The following RNF17 variants were observed in gnomAD, a reference collection of about 807,000 sequenced individuals.
RNF17 encodes ring finger protein 17.
In RNF17, 31 loss-of-function variants were observed where a neutral mutation model predicts 200.5. That is an observed-to-expected ratio of 0.15 (90% CI 0.12 to 0.21). RNF17 has a LOEUF of 0.21. Ranked by LOEUF, RNF17 falls within the 10% of genes least tolerant of loss-of-function variation. RNF17 has a pLI of 1.00. For synonymous variants in RNF17, 606 were observed against 637.8 expected, an observed-to-expected ratio of 0.95 and a Z score of 0.75; for missense variants, 1,628 against 1,905.1, an observed-to-expected ratio of 0.85 and a Z score of 2.71.
chr13:24,768,631 T>C (rs1429254064), intron 2 of RNF17, among the ~76,000 whole-genome samples: 4 of 151,886 alleles, frequency 2.6e-5, no homozygotes, highest in African/African-American at 9.7e-5. Flanking sequence ...ATGATAAGGC[T>C]TTGTATCATT....
intron 32 of RNF17, among the ~76,000 whole-genome samples, chr13:24,871,165 A>T (rs1004707065): frequency 2.0e-5 from 3 of 152,022 alleles, no homozygotes; most frequent in African/African-American, 4.8e-5. Context: ...TCAGATTTCT[A>T]CTCTTTTATC....
At chr13:24,782,688 T>C (rs1882579717) in intron 6 of RNF17, among the ~76,000 whole-genome samples, 1 of 151,844 alleles carries the variant, frequency 6.6e-6, no homozygotes, top group Non-Finnish European at 1.5e-5. Context: ...CAAAAAAAAA[T>C]CAACCAGGCA....
intron 6 of RNF17, among the ~76,000 whole-genome samples, chr13:24,787,777 C>G (rs777763651): frequency 6.6e-6 from 1 of 152,106 alleles, no homozygotes; most frequent in Non-Finnish European, 1.5e-5. Flanking sequence ...CATTTCAGTT[C>G]AATTTAATGC....
chr13:24,834,849 A>T (rs1183659023), intron 18 of RNF17, among the ~76,000 whole-genome samples: 1 of 152,178 alleles, frequency 6.6e-6, no homozygotes, highest in Non-Finnish European at 1.5e-5. Flanking sequence ...GGAGGGTACA[A>T]ATCTGGTGTG....
chr13:24,785,034 G>A (rs928129801), intron 6 of RNF17, among the ~76,000 whole-genome samples: 2 of 152,036 alleles, frequency 1.3e-5, no homozygotes, highest in Admixed American at 1.3e-4. Context: ...TGTGACTATA[G>A]GTTTAATTCT....
chr13:24,793,379 T>G (rs745435416), intron 10 of RNF17, 33 bp downstream of exon 10: 1 of 1,532,878 alleles, frequency 6.5e-7, no homozygotes, highest in Non-Finnish European at 8.7e-7. Flanking sequence ...AGGGGAAAGA[T>G]CTTGTATCTG....
intron 18 of RNF17, among the ~76,000 whole-genome samples, chr13:24,841,757 A>G (rs1890659008): frequency 6.6e-6 from 1 of 152,076 alleles, no homozygotes; most frequent in South Asian, 2.1e-4. Context: ...TCAGGAGTTC[A>G]AGACCAGCCT....
Position 24,789,416 on chromosome 13 carries a change from C to T in RNF17, c.852C>T (p.Asn284=). 6.3e-7 allele frequency: 1 copy of T among 1,594,664 alleles called. No individual in the cohort carries two copies. Among genetic ancestry groups the T allele is most frequent in the Non-Finnish European group, 8.6e-7 (1 of 1,164,344 alleles). The change falls in exon 8 of 36, where the codon AAC becomes AAT. Residue 284 remains asparagine (N), a synonymous_variant. Coordinates refer to ENST00000255324, the MANE Select transcript of RNF17 (RefSeq NM_031277.3). ...LAQVSSPQLR[N]PPRLSVNCSE... ...AAGTTAGTTCTCCACAACTAAGGAA[C>T]CCTCCCAGGTAAGTAAGTCATAGTT...
At chr13:24,886,319 AAGG>A in the RNF17 span, 8 of 1,289,212 alleles carry the variant, frequency 6.2e-6, 1 homozygote, top group South Asian at 8.6e-5. Flanking sequence ...GAATGGCCTG[AAGG>A]AGGAGAGCGG....
At chr13:24,870,462 G>A (rs1194853077) in intron 31 of RNF17, 109 bp from the exon 32 acceptor site, 1 of 811,666 alleles carries the variant, frequency 1.2e-6, no homozygotes, top group East Asian at 2.5e-5. Context: ...GAGGTGTAGG[G>A]GTCTCTGGGA....
chr13:24,873,810 C>G (rs9511489), intron 32 of RNF17, among the ~76,000 whole-genome samples: 34,244 of 152,056 alleles, frequency 0.23, 4,277 homozygotes, highest in Non-Finnish European at 0.29. Context: ...TGAGAACATG[C>G]GATATTTGTC....
chr13:24,807,600 G>A (rs1344434244), intron 15 of RNF17, among the ~76,000 whole-genome samples: 1 of 152,094 alleles, frequency 6.6e-6, no homozygotes, highest in African/African-American at 2.4e-5. Flanking sequence ...TAGGTTGTCT[G>A]TTCATTCTGA....
intron 5 of RNF17, among the ~76,000 whole-genome samples, chr13:24,781,505 A>G (rs771611045): frequency 6.6e-6 from 1 of 151,780 alleles, no homozygotes; most frequent in African/African-American, 2.4e-5. Flanking sequence ...ACATGGGGCT[A>G]CGTGCCTGTG....
At chr13:24,748,050 T>C in the RNF17 span, among the ~76,000 whole-genome samples, 1 of 152,348 alleles carries the variant, frequency 6.6e-6, no homozygotes, top group Non-Finnish European at 1.5e-5. Context: ...ACCTGACATC[T>C]GTCTCTCGCA....
chr13:24,782,107 T>C (rs1190901464), intron 6 of RNF17, among the ~76,000 whole-genome samples, 163 bp downstream of exon 6: 2 of 152,202 alleles, frequency 1.3e-5, no homozygotes, highest in Non-Finnish European at 2.9e-5. Flanking sequence ...GACTGATCTT[T>C]AGAACTGCAA....
chr13:24,764,475 G>C (rs1004470824), intron 1 of RNF17, 142 bp downstream of exon 1: 2 of 1,229,658 alleles, frequency 1.6e-6, no homozygotes, highest in Non-Finnish European at 2.2e-6. Context: ...CCTCCCGCGA[G>C]CTGCACCCGA....
intron 3 of RNF17, among the ~76,000 whole-genome samples, chr13:24,777,204 T>C (rs1881693036): frequency 6.6e-6 from 1 of 152,240 alleles, no homozygotes. Context: ...AATGCACTCA[T>C]GTTTTTAAGA....
chr13:24,778,442 C>A, intron 4 of RNF17, 36 bp downstream of exon 4: 1 of 1,349,934 alleles, frequency 7.4e-7, no homozygotes, highest in Non-Finnish European at 1.1e-6. Flanking sequence ...ACGATGAAGG[C>A]AAACGTTTGA....
At chr13:24,750,989 CAAT>C in the RNF17 span, 2 of 151,996 alleles carry the variant, frequency 1.3e-5, no homozygotes, top group African/African-American at 4.8e-5. Context: ...CAAAAGATAA[CAAT>C]AAGTTACTGA....
Sources: allele counts gnomAD v4.1 joint callset (sites outside exome capture counted in the v4.1 genomes callset), GRCh38; gene constraint gnomAD v4.1.1; transcripts MANE v1.5; gene names NCBI Gene and HGNC (gene_info 2026-07-23, HGNC 2026-07-21).